Variants in PRKCZ observed in about 807,000 individuals in gnomAD.
PRKCZ encodes protein kinase C zeta type.
PRKCZ carries 33 observed loss-of-function variants against 79.5 expected under a neutral mutation model. That is an observed-to-expected ratio of 0.41 (90% CI 0.31 to 0.55). The LOEUF (loss-of-function observed/expected upper bound fraction) is 0.55, where lower values mean the gene tolerates loss of function less well. PRKCZ is among the 20% of genes least tolerant of loss of function. The pLI is 0.19. For synonymous variants in PRKCZ, 342 were observed against 320.9 expected, an observed-to-expected ratio of 1.07 and a Z score of -0.70; for missense variants, 578 against 813.5, an observed-to-expected ratio of 0.71 and a Z score of 3.52.
rs540974042 is a variant in PRKCZ, at chr1:2,079,967, A to C, written c.334+20376A>C. Among the ~76,000 whole-genome samples the C allele has an allele frequency of 1.6e-4, 24 of 152,230 alleles. 3 individuals carry two copies. In the South Asian group the frequency reaches 4.8e-3, roughly 30 times the overall value. On this transcript the variant is annotated intron_variant, in intron 4 of 17. Coordinates refer to ENST00000378567, the MANE Select transcript of PRKCZ (RefSeq NM_002744.6). ...TCTCGTTCCCTGGCTGCTTTGGGTG[A>C]GGAAGGGGGTCTGGGGGTCGACTCC...
intron 7 of PRKCZ, among the ~76,000 whole-genome samples, chr1:2,147,684 A>C (rs563659580): frequency 8.1e-5 from 11 of 135,644 alleles, no homozygotes; most frequent in African/African-American, 2.7e-4. Flanking sequence ...CTGTCCATCT[A>C]TCTGTTGTCC....
intron 4 of PRKCZ, among the ~76,000 whole-genome samples, chr1:2,121,431 G>C (rs1163529596): frequency 6.9e-6 from 1 of 145,112 alleles, no homozygotes; most frequent in African/African-American, 2.5e-5. Context: ...GCCTTTGACA[G>C]GTAGTTAGAG....
At chr1:2,155,771 GTGA>G (rs951849757) in intron 9 of PRKCZ, among the ~76,000 whole-genome samples, 126 of 151,866 alleles carry the variant, frequency 8.3e-4, no homozygotes, top group African/African-American at 1.9e-3. Flanking sequence ...TGTGACGGTG[GTGA>G]TGATGACAGT....
intron 4 of PRKCZ, among the ~76,000 whole-genome samples, chr1:2,101,452 G>C (rs1667428642): frequency 6.6e-6 from 1 of 152,150 alleles, no homozygotes. Flanking sequence ...ACAACCCCTG[G>C]TGCGAGACAT....
chr1:2,184,765 G>T (rs3204550), intron 17 of PRKCZ, 67 bp downstream of exon 17: 2 of 1,500,944 alleles, frequency 1.3e-6, no homozygotes, highest in Admixed American at 1.9e-5. Context: ...CCGGCACCTT[G>T]GGCAGCTGGT....
At chr1:2,092,559 A>G (rs369756339) in intron 4 of PRKCZ, among the ~76,000 whole-genome samples, 1 of 152,228 alleles carries the variant, frequency 6.6e-6, no homozygotes, top group African/African-American at 2.4e-5. Flanking sequence ...TAAAAGGAGC[A>G]GTGGGGCCAG....
rs562621276 is a variant in PRKCZ, at chr1:2,102,624, G to A, written c.335-32638G>A. 5.4e-3 allele frequency among the ~76,000 whole-genome samples: 825 copies of A among 152,292 alleles called. 1 individual carries two copies. Among genetic ancestry groups the A allele is most frequent in the Non-Finnish European group, 7.9e-3 (534 of 68,024 alleles). On this transcript the variant is annotated intron_variant, in intron 4 of 17. Transcript: ENST00000378567. ...TAGGATTACAGGTGTGAGCCACCGT[G>A]CCCGGCCCTCGTTTTTGTTTGTTTT...
At chr1:2,097,696 C>T (rs996303099) in intron 4 of PRKCZ, among the ~76,000 whole-genome samples, 4 of 151,800 alleles carry the variant, frequency 2.6e-5, no homozygotes, top group Admixed American at 6.5e-5. Flanking sequence ...TGGTGGGGCC[C>T]GTGCCAGGGG....
chr1:2,055,932 C>T, intron 2 of PRKCZ: 1 of 206,118 alleles, frequency 4.9e-6, no homozygotes, highest in Non-Finnish European at 9.8e-6. Context: ...GGGGAGGGCA[C>T]AAGCAGCCAG....
At chr1:2,124,210 T>TG (rs1673312763) in intron 4 of PRKCZ, among the ~76,000 whole-genome samples, 1 of 2,956 alleles carries the variant, frequency 3.4e-4, no homozygotes, top group African/African-American at 1.9e-3. Context: ...GGGTCACGGC[T>TG]GTAGTTAGCG....
chr1:2,137,275 G>A (rs56383911), intron 5 of PRKCZ, among the ~76,000 whole-genome samples: 30,059 of 152,090 alleles, frequency 0.2, 3,724 homozygotes, highest in Admixed American at 0.31. Context: ...ACCTGCTTCC[G>A]CCTGCTTTGC....
At chr1:2,151,013 G>A (rs989174684) in intron 9 of PRKCZ, 35 bp downstream of exon 9, 2 of 1,608,534 alleles carry the variant, frequency 1.2e-6, no homozygotes, top group African/African-American at 1.3e-5. Context: ...CGGGGGCCCG[G>A]GAACGCGCTG....
chr1:2,055,325 T>G, intron 1 of PRKCZ, 116 bp from the exon 2 acceptor site: 10 of 1,310,868 alleles, frequency 7.6e-6, no homozygotes, highest in Non-Finnish European at 9.2e-6. Flanking sequence ...GCTGTCATAT[T>G]GTCTTTGGGG....
rs1224443289 is a variant in PRKCZ at position 2,150,805 on chromosome 1, A to G, written c.703A>G (p.Ile235Val). 6.2e-6 allele frequency: 10 copies of G among 1,613,830 alleles called. No individual in the cohort carries two copies. The highest frequency in any genetic ancestry group is 1.3e-5 in the African/African-American group (1 of 74,920). Residue 235 changes from isoleucine (I) to valine (V), a missense_variant, in exon 9 of 18, where the codon ATC (isoleucine) becomes GTC (valine). Physicochemically the swap from Ile to Val is conservative, Grantham distance 29 (BLOSUM62 3). Transcript: ENST00000378567. Reference protein sequence around the residue: ...KDDSEDLKPVIDGMDGIKISQ... With the variant: ...KDDSEDLKPVVDGMDGIKISQ... ...CCCTCCCTAGGACCTTAAGCCAGTT[A>G]TCGATGGGATGGATGGAATCAAAAT...
At chr1:2,137,209 G>A (rs537180759) in intron 5 of PRKCZ, among the ~76,000 whole-genome samples, 60 of 152,288 alleles carry the variant, frequency 3.9e-4, no homozygotes, top group Non-Finnish European at 6.5e-4. Context: ...GTGGCAGGAA[G>A]CATCCAGCAT....
At chr1:2,119,149 C>T (rs1361737452) in intron 4 of PRKCZ, among the ~76,000 whole-genome samples, 6 of 151,190 alleles carry the variant, frequency 4.0e-5, no homozygotes, top group African/African-American at 9.7e-5. Flanking sequence ...ATCCTTGGAA[C>T]GTAGCATAAA....
rs999609100 is a variant in PRKCZ, at chr1:2,127,684, C to T, written c.335-7578C>T. ...GCTCCACACCAGGCAAATAGGCGAA[C>T]GGCGTCTCCCGCGGCTCCCGGTGGC... On this transcript the variant is annotated intron_variant, in intron 4 of 17. Coordinates refer to ENST00000378567, the MANE Select transcript of PRKCZ (RefSeq NM_002744.6). The surrounding 1 kb of genome is among the most constrained non-coding windows in gnomAD (Gnocchi z 5.1). Among the ~76,000 whole-genome samples the T allele has an allele frequency of 2.6e-5, 4 of 152,240 alleles. No homozygotes were observed. The highest frequency in any genetic ancestry group is 4.8e-5 in the African/African-American group (2 of 41,466).
chr1:2,108,145 C>G (rs1425463214), intron 4 of PRKCZ, among the ~76,000 whole-genome samples: 1 of 152,218 alleles, frequency 6.6e-6, no homozygotes, highest in African/African-American at 2.4e-5. Flanking sequence ...GAAAAGGCAT[C>G]GAGGTAAATG....
At chr1:2,079,310 A>C (rs1663037359) in intron 4 of PRKCZ, among the ~76,000 whole-genome samples, 1 of 152,224 alleles carries the variant, frequency 6.6e-6, no homozygotes, top group South Asian at 2.1e-4. Flanking sequence ...AACTCATTTA[A>C]TCTTCTCAGT....
Sources: gnomAD v4.1 joint callset for allele counts (sites outside exome capture counted in the v4.1 genomes callset) on GRCh38, gnomAD v4.1.1 for gene constraint, Gnocchi (gnomAD v3.1) non-coding constraint, MANE v1.5 for transcripts, NCBI Gene and HGNC (gene_info 2026-07-23, HGNC 2026-07-21) for gene names.